Variants in TULP4 observed in about 807,000 individuals in gnomAD.
TULP4 encodes the protein TUB like protein 4.
In TULP4, 16 loss-of-function variants were observed where a neutral mutation model predicts 129.0. The ratio of observed to expected loss-of-function variants is 0.12; its 90% CI spans 0.08 to 0.19. TULP4 has a LOEUF of 0.19. TULP4 is among the 10% of genes least tolerant of loss of function. The pLI, the probability that TULP4 is intolerant of heterozygous loss-of-function variation, is 1.00. For synonymous variants in TULP4, 998 were observed against 854.0 expected (o/e 1.17, Z -2.94); for missense variants, 1,842 against 2,059.1 (o/e 0.89, Z 2.04).
rs182656498 is a variant in TULP4, at chr6:158,351,126, C to G, written c.252+36858C>G. On this transcript the variant is annotated intron_variant, in intron 1 of 13. Transcript: ENST00000367097. ...ATGGGTGCGAACTTGTCCCTGGATA[C>G]TTTGCATTGCATTTTTATATGGATG... is the stretch of plus-strand genomic sequence containing the variant. Among the ~76,000 whole-genome samples, 22 of 152,250 alleles carry G rather than the reference C, an allele frequency of 1.4e-4. 1 individual carries two copies. Among genetic ancestry groups the G allele is most frequent in the Admixed American group, 1.3e-3 (20 of 15,302 alleles).
chr6:158,380,902 AAAAAAAAAAAG>A (rs1306926060), intron 1 of TULP4, among the ~76,000 whole-genome samples: 1 of 147,320 alleles, frequency 6.8e-6, no homozygotes, highest in African/African-American at 2.5e-5. Context: ...TCCAAAAAAA[AAAAAAAAAAAG>A]AAGAAGAAGA....
At chr6:158,407,148 A>G (rs1234473066) in intron 1 of TULP4, among the ~76,000 whole-genome samples, 1 of 152,256 alleles carries the variant, frequency 6.6e-6, no homozygotes, top group African/African-American at 2.4e-5. Context: ...CTTCACATGT[A>G]GTTAGTGTTT....
chr6:158,331,513 T>A (rs531107695), intron 1 of TULP4, among the ~76,000 whole-genome samples: 1 of 151,734 alleles, frequency 6.6e-6, no homozygotes, highest in African/African-American at 2.4e-5. Context: ...TTTATTTATT[T>A]TCTAGCTTAA....
At chr6:158,241,770 T>C in intron 1 of TULP4, 1 of 445,776 alleles carries the variant, frequency 2.2e-6, no homozygotes, top group Non-Finnish European at 4.3e-6. Flanking sequence ...AATTTTTGTA[T>C]TTTTAGTAGA....
chr6:158,401,263 G>A (rs192197267), intron 1 of TULP4, among the ~76,000 whole-genome samples: 4 of 152,088 alleles, frequency 2.6e-5, no homozygotes, highest in East Asian at 1.9e-4. Context: ...TTGTAGAGAC[G>A]GGGTTTCACC....
intron 1 of TULP4, among the ~76,000 whole-genome samples, chr6:158,289,306 T>A (rs1778888838): frequency 6.6e-6 from 1 of 152,196 alleles, no homozygotes; most frequent in Non-Finnish European, 1.5e-5. Context: ...TGTCTTTATC[T>A]ATCTTGCCAG....
At chr6:158,427,806 C>G (rs1381921053) in intron 2 of TULP4, 4 of 152,172 alleles carry the variant, frequency 2.6e-5, no homozygotes, top group African/African-American at 7.2e-5. Flanking sequence ...ATTACCAGAA[C>G]TGACTCAAGA....
chr6:158,359,136 C>G (rs1318369708), intron 1 of TULP4, among the ~76,000 whole-genome samples: 4 of 152,132 alleles, frequency 2.6e-5, no homozygotes, highest in African/African-American at 9.7e-5. Context: ...ATGTGACTTT[C>G]TATGCCAGCC....
chr6:158,252,028 CAT>C (rs1350681686), intron 1 of TULP4, among the ~76,000 whole-genome samples: 3 of 152,218 alleles, frequency 2.0e-5, no homozygotes, highest in African/African-American at 7.2e-5. Context: ...TGGGACAAAA[CAT>C]GTAGTTGAAG....
At chr6:158,356,882 G>A (rs1562533118) in intron 1 of TULP4, among the ~76,000 whole-genome samples, 1 of 151,762 alleles carries the variant, frequency 6.6e-6, no homozygotes, top group African/African-American at 2.4e-5. Flanking sequence ...GAGTAGAGGG[G>A]TTGCCCAGGA....
intron 2 of TULP4, among the ~76,000 whole-genome samples, chr6:158,416,559 CA>C (rs565020241): frequency 5.9e-5 from 9 of 151,930 alleles, no homozygotes; most frequent in African/African-American, 9.7e-5. Context: ...ACAAAAGGAT[CA>C]AAAAAAGTAT....
intron 1 of TULP4, among the ~76,000 whole-genome samples, chr6:158,410,658 T>C (rs930888887): frequency 1.3e-5 from 2 of 152,210 alleles, no homozygotes; most frequent in Admixed American, 1.3e-4. Flanking sequence ...GGTCAAATCA[T>C]TGGCAGATCT....
At chr6:158,330,651 G>A (rs538440975) in intron 1 of TULP4, among the ~76,000 whole-genome samples, 4 of 152,174 alleles carry the variant, frequency 2.6e-5, no homozygotes, top group East Asian at 1.9e-4. Flanking sequence ...GAAATTTAAC[G>A]TCAATTCAAT....
At position 158,429,904 on chromosome 6, in the gene TULP4, C is replaced by T. The variant is rs1554290589; in HGVS notation, c.543+7C>T. On this transcript the variant is annotated splice_region_variant and intron_variant, in intron 3 of 13. Coordinates refer to ENST00000367097, the MANE Select transcript of TULP4 (RefSeq NM_020245.5). ...GACTCCTGACGACCAACAGGTAACA[C>T]TTCTGAAATGTGGTGGGTGTGTGAC... 7.4e-6 allele frequency: 12 copies of T among 1,612,922 alleles called. No individual in the cohort carries two copies. The South Asian group carries it at 1.1e-4, about 15-fold the overall frequency.
chr6:158,244,317 G>T (rs1414100981), intron 1 of TULP4, among the ~76,000 whole-genome samples: 1 of 152,138 alleles, frequency 6.6e-6, no homozygotes, highest in Non-Finnish European at 1.5e-5. Flanking sequence ...ACCTAAATGT[G>T]CAATAAACAA....
intron 1 of TULP4, among the ~76,000 whole-genome samples, chr6:158,347,519 A>G (rs914666589): frequency 6.6e-6 from 1 of 152,158 alleles, no homozygotes; most frequent in African/African-American, 2.4e-5. Context: ...CCAGAGACCA[A>G]TCTACCCTCT....
rs1328255690 is a variant in TULP4, at chr6:158,235,647, C to T, written n.68+3344C>T. Among the ~76,000 whole-genome samples, 10 of 152,236 alleles carry T rather than the reference C, an allele frequency of 6.6e-5. 1 individual carries two copies. The highest frequency in any genetic ancestry group is 2.6e-4 in the Admixed American group (4 of 15,288). On this transcript the variant is annotated intron_variant and non_coding_transcript_variant, in intron 1 of 1. Coordinates refer to the TULP4 transcript ENST00000620026. ...ACAGGCATGAGCCACCACGCCCAGCCGAATTCCTGTCCTTCTAAAAACTGA... is the reference window on the plus strand; with the variant it reads ...ACAGGCATGAGCCACCACGCCCAGCTGAATTCCTGTCCTTCTAAAAACTGA...
chr6:158,426,684 A>G (rs1778501975), intron 2 of TULP4, among the ~76,000 whole-genome samples: 2 of 152,054 alleles, frequency 1.3e-5, no homozygotes, highest in Admixed American at 1.3e-4. Flanking sequence ...TTTGCTTAGG[A>G]TTGCCTTGGA....
rs1461352017 is a variant in TULP4 at position 158,331,724 on chromosome 6, C to CGTGT, written c.252+17456_252+17457insGTGT. 4.9e-4 allele frequency among the ~76,000 whole-genome samples: 13 copies of CGTGT among 26,608 alleles called. 2 individuals are homozygous for CGTGT. Among genetic ancestry groups the CGTGT allele is most frequent in the East Asian group, 1.2e-3 (1 of 834 alleles). 17.5% of individuals were successfully genotyped at this position (26,608 alleles called of 152,430 possible). A position where few individuals can be genotyped will look rare whatever the true frequency, so the allele number is the denominator to read the frequency against. ...ACACACACACACACACACACACACACACACATACGTATATATATACGTGTA... is the reference window on the plus strand; with the variant it reads ...ACACACACACACACACACACACACACGTGTACACATACGTATATATATACGTGTA... On this transcript the variant is annotated intron_variant, in intron 1 of 13. Transcript: ENST00000367097.
Sources: allele counts gnomAD v4.1 joint callset (sites outside exome capture counted in the v4.1 genomes callset), GRCh38; gene constraint gnomAD v4.1.1; transcripts MANE v1.5; gene names NCBI Gene and HGNC (gene_info 2026-07-23, HGNC 2026-07-21).